The following NXPE4 variants were observed in gnomAD, a reference collection of about 807,000 sequenced individuals.
The protein encoded by NXPE4 is neurexophilin and PC-esterase domain family member 4.
In NXPE4, 42 loss-of-function variants were observed where a neutral mutation model predicts 33.3. The ratio of observed to expected loss-of-function variants is 1.26; its 90% confidence interval spans 0.98 to 1.63. The LOEUF (loss-of-function observed/expected upper bound fraction) is 1.63, where lower values mean the gene tolerates loss of function less well. NXPE4 is among the 40% of genes most tolerant of loss of function. The probability of loss-of-function intolerance (pLI) is 0.00; values close to 1 mark genes in which losing one functional copy is unlikely to be tolerated. For synonymous variants in NXPE4, 253 were observed against 234.9 expected (o/e 1.08, Z -0.71); for missense variants, 709 against 647.6 (o/e 1.09, Z -1.03).
At chr11:114,673,737 T>C in the NXPE4 span, among the ~76,000 whole-genome samples, 1 of 151,848 alleles carries the variant, frequency 6.6e-6, no homozygotes, top group East Asian at 1.9e-4. Context: ...CTGCTTTCCT[T>C]TTGTTCCCAA....
At chr11:114,660,585 G>T in the NXPE4 span, among the ~76,000 whole-genome samples, 1 of 151,848 alleles carries the variant, frequency 6.6e-6, no homozygotes, top group Non-Finnish European at 1.5e-5. Flanking sequence ...AAAAGTTATG[G>T]TAAACTAAAA....
the NXPE4 span, among the ~76,000 whole-genome samples, chr11:114,670,284 C>T: frequency 6.6e-6 from 1 of 151,998 alleles, no homozygotes; most frequent in Non-Finnish European, 1.5e-5. Context: ...TTGATAAAAT[C>T]ACTGTTATCC....
At chr11:114,630,904 C>A in the NXPE4 span, among the ~76,000 whole-genome samples, 1 of 151,570 alleles carries the variant, frequency 6.6e-6, no homozygotes, top group South Asian at 2.1e-4. Context: ...ATTTATGCAG[C>A]CAAAAAACAC....
the NXPE4 span, among the ~76,000 whole-genome samples, chr11:114,606,530 T>C: frequency 7.0e-6 from 1 of 142,936 alleles, no homozygotes; most frequent in Non-Finnish European, 1.5e-5. Context: ...CTGTTACCCT[T>C]TGGATAATAA....
intron 5 of NXPE4, among the ~76,000 whole-genome samples, chr11:114,571,842 G>A (rs1948895672): frequency 6.6e-6 from 1 of 152,192 alleles, no homozygotes; most frequent in Admixed American, 6.5e-5. Flanking sequence ...GGCTCTCTGA[G>A]ATGCTGAAAA....
intron 4 of NXPE4, 64 bp from the exon 5 acceptor site, chr11:114,580,402 G>T: frequency 7.0e-7 from 1 of 1,427,032 alleles, no homozygotes; most frequent in Non-Finnish European, 9.8e-7. Flanking sequence ...TATGTATTAA[G>T]AGCCTTCTAT....
chr11:114,606,380 G>A, the NXPE4 span, among the ~76,000 whole-genome samples: 1 of 151,792 alleles, frequency 6.6e-6, no homozygotes, highest in Non-Finnish European at 1.5e-5. Flanking sequence ...ACTTAGTGTT[G>A]CCTCATGGGT....
At chr11:114,612,513 C>T in the NXPE4 span, among the ~76,000 whole-genome samples, 1,561 of 151,716 alleles carry the variant, frequency 0.01, 24 homozygotes, top group African/African-American at 0.035. Context: ...AGTGTTTCCT[C>T]GGGGGTAACC....
intron 2 of NXPE4, 194 bp from the exon 3 acceptor site, chr11:114,583,215 G>T: frequency 1.4e-6 from 1 of 723,708 alleles, no homozygotes; most frequent in African/African-American, 1.8e-5. Flanking sequence ...AATGGAGATT[G>T]ACTGACAGGA....
chr11:114,586,518 G>T (rs1032039555), intron 2 of NXPE4, among the ~76,000 whole-genome samples: 1 of 152,166 alleles, frequency 6.6e-6, no homozygotes, highest in Non-Finnish European at 1.5e-5. Context: ...AAGACTCAGG[G>T]GACAGGCTTG....
In NXPE4 at chr11:114,594,748, A is replaced by T; in HGVS notation, c.12T>A (p.Ser4Arg). MKI[S>R]MINYKSLLAL... is the part of the protein sequence containing the mutation. ...CCAATAGTGACTTATAATTTATCAT[A>T]CTTATTTTCATGATTAGGATCCTAC... The change falls in exon 2 of 6, where the codon AGT becomes AGA. Residue 4 changes from serine (S) to arginine (R), a missense_variant. By Grantham distance (110) the Ser-to-Arg change is moderately radical. Coordinates refer to ENST00000375478, the MANE Select transcript of NXPE4 (RefSeq NM_001077639.2). The T allele has an allele frequency of 6.5e-7, 1 of 1,541,588 alleles. No individual in the cohort carries two copies. The highest frequency in any genetic ancestry group is 8.9e-7 in the Non-Finnish European group (1 of 1,120,478).
chr11:114,600,986 T>A, the NXPE4 span, among the ~76,000 whole-genome samples: 1 of 151,994 alleles, frequency 6.6e-6, no homozygotes, highest in Admixed American at 6.6e-5. Context: ...TGCCAAATAG[T>A]CCATCATTTC....
intron 5 of NXPE4, among the ~76,000 whole-genome samples, chr11:114,574,927 G>C (rs1948963851): frequency 6.6e-6 from 1 of 152,022 alleles, no homozygotes; most frequent in South Asian, 2.1e-4. Context: ...TATGAACATA[G>C]ATGCTAAAAT....
the NXPE4 span, among the ~76,000 whole-genome samples, chr11:114,624,569 GT>G: frequency 1.1e-4 from 16 of 151,536 alleles, no homozygotes; most frequent in East Asian, 3.1e-3. Context: ...GTATTGCCCC[GT>G]GGGTAACCAC....
At chr11:114,601,898 T>TATATATATTATATAATATATATTATATA in the NXPE4 span, among the ~76,000 whole-genome samples, 7 of 45,558 alleles carry the variant, frequency 1.5e-4, no homozygotes, top group Non-Finnish European at 2.6e-4. Flanking sequence ...ATATTATATT[T>TATATATATTATATAATATATATTATATA]ATATATATTA....
intron 5 of NXPE4, among the ~76,000 whole-genome samples, chr11:114,579,859 A>G (rs1949094850): frequency 6.6e-6 from 1 of 152,204 alleles, no homozygotes; most frequent in East Asian, 1.9e-4. Flanking sequence ...CTTTGGTTCC[A>G]TCAATAGTTT....
the NXPE4 span, among the ~76,000 whole-genome samples, chr11:114,611,833 A>G: frequency 6.6e-6 from 1 of 151,912 alleles, no homozygotes; most frequent in Non-Finnish European, 1.5e-5. Flanking sequence ...GGTGGATAAT[A>G]TATATTTCCT....
Position 114,581,768 on chromosome 11 carries a change from C to A in NXPE4, c.849G>T (p.Glu283Asp), listed in dbSNP as rs1368005165. 1 of 1,610,614 alleles carries A rather than the reference C, an allele frequency of 6.2e-7. No homozygotes were observed. Residue 283 changes from glutamate to aspartate, a missense_variant, in exon 4 of 6, where the codon GAG (glutamate) becomes GAT (aspartate). Physicochemically the swap from Glu to Asp is conservative, Grantham distance 45 (BLOSUM62 2). Coordinates refer to ENST00000375478, the MANE Select transcript of NXPE4 (RefSeq NM_001077639.2). ...TAATTGTATTGAATTTTTCCATAAT[C>A]TCTACACCCACATTTGACCTTAAAG... ...SLFERSNVGV[E>D]IMEKFNTISV...
chr11:114,659,667 T>A, the NXPE4 span, among the ~76,000 whole-genome samples: 1 of 152,092 alleles, frequency 6.6e-6, no homozygotes. Flanking sequence ...GGGATGCAGG[T>A]AAAGCAGTGT....
Sources: gnomAD v4.1 joint callset for allele counts (sites outside exome capture counted in the v4.1 genomes callset) on GRCh38, gnomAD v4.1.1 for gene constraint, MANE v1.5 for transcripts, NCBI Gene and HGNC (gene_info 2026-07-23, HGNC 2026-07-21) for gene names.